The following ZWILCH variants were observed in gnomAD, a reference collection of about 807,000 sequenced individuals.
The protein encoded by ZWILCH is zwilch kinetochore protein.
In ZWILCH, 74 loss-of-function variants were observed where a neutral mutation model predicts 79.9. That is an observed-to-expected ratio of 0.93 (90% confidence interval 0.77 to 1.12). ZWILCH has a LOEUF of 1.12. Ranked by LOEUF, ZWILCH falls within the 50% of genes most tolerant of loss-of-function variation. The pLI, the probability that ZWILCH is intolerant of heterozygous loss-of-function variation, is 0.00. For missense variants in ZWILCH, 694 were observed against 687.5 expected (o/e 1.01, Z -0.11); for synonymous variants, 241 against 228.2 (o/e 1.06, Z -0.51).
At position 66,536,074 on chromosome 15, in the gene ZWILCH, G is replaced by A; in HGVS notation, c.1478+5G>A. On this transcript the variant is annotated splice_donor_5th_base_variant and intron_variant, in intron 15 of 18. Coordinates refer to ENST00000307897, the MANE Select transcript of ZWILCH (RefSeq NM_017975.5). ...ACTCCTCTTTTCTTTAACACAGTAA[G>A]TACATCTGTATTCTTCACTTATATA... The A allele has an allele frequency of 1.9e-6, 3 of 1,597,508 alleles. No individual in the cohort carries two copies. The highest frequency in any genetic ancestry group is 1.7e-6 in the Non-Finnish European group (2 of 1,172,562).
chr15:66,538,972 C>T (rs74022027), intron 16 of ZWILCH, among the ~76,000 whole-genome samples: 29,745 of 152,060 alleles, frequency 0.2, 3,007 homozygotes, highest in East Asian at 0.37. Flanking sequence ...CTCACATCTC[C>T]AGCTTCTCTG....
chr15:66,520,471 T>C, intron 5 of ZWILCH, 119 bp from the exon 6 acceptor site: 2 of 659,288 alleles, frequency 3.0e-6, no homozygotes, highest in African/African-American at 1.8e-5. Flanking sequence ...TAAAATTTAA[T>C]TTTAACAGTT....
chr15:66,546,780 T>C (rs1446357300), intron 18 of ZWILCH, 75 bp downstream of exon 18: 2 of 695,804 alleles, frequency 2.9e-6, no homozygotes, highest in Non-Finnish European at 4.4e-6. Context: ...CTTTCTACAT[T>C]ATCAATGTCG....
At chr15:66,511,803 C>T (rs778414694) in intron 2 of ZWILCH, among the ~76,000 whole-genome samples, 12 of 151,924 alleles carry the variant, frequency 7.9e-5, no homozygotes, top group South Asian at 4.1e-4. Flanking sequence ...TTAGTGGAGA[C>T]GGGGTTTCAC....
At chr15:66,542,473 T>C (rs1895222556) in intron 17 of ZWILCH, among the ~76,000 whole-genome samples, 2 of 152,036 alleles carry the variant, frequency 1.3e-5, no homozygotes, top group Non-Finnish European at 2.9e-5. Context: ...TAGTCCCAGC[T>C]CTTCGGGAGG....
chr15:66,512,839 T>C (rs544294542), intron 2 of ZWILCH, among the ~76,000 whole-genome samples: 30 of 151,994 alleles, frequency 2.0e-4, no homozygotes, highest in Admixed American at 1.8e-3. Context: ...TCTGTTGCCC[T>C]GGCTGGAGTG....
chr15:66,517,417 C>CGTGTGTGTGTGTGTGTGTGT (rs141565295), intron 4 of ZWILCH, among the ~76,000 whole-genome samples: 15 of 80,736 alleles, frequency 1.9e-4, no homozygotes, highest in Non-Finnish European at 3.3e-4. Context: ...TTTGTGTGTG[C>CGTGTGTGTGTGTGTGTGTGT]GTGTGTGTGT....
At chr15:66,522,197 C>CA (rs990758737) in intron 7 of ZWILCH, among the ~76,000 whole-genome samples, 24 of 145,194 alleles carry the variant, frequency 1.7e-4, no homozygotes, top group African/African-American at 5.3e-4. Flanking sequence ...GACTCTGTCT[C>CA]AAAAAAAAAG....
rs749557379 is a variant in ZWILCH at position 66,549,860 on chromosome 15, T to G, written c.*1536T>G. The G allele has an allele frequency of 3.1e-4, 145 of 462,302 alleles. No individual in the cohort carries two copies. The highest frequency in any genetic ancestry group is 9.3e-4 in the Admixed American group (23 of 24,700). The allele number at this position is 462,302 out of a possible 1,614,324, so 28.6% of individuals were successfully genotyped here. On this transcript the variant is annotated 3_prime_UTR_variant, in exon 19 of 19. Coordinates refer to ENST00000307897, the MANE Select transcript of ZWILCH (RefSeq NM_017975.5). ...TAAAATGTTTATCTTTCATGGTAGATTAAATGCTTTAAAATGCTTATAAAT... is the reference window on the plus strand; with the variant it reads ...TAAAATGTTTATCTTTCATGGTAGAGTAAATGCTTTAAAATGCTTATAAAT...
chr15:66,527,209 A>C (rs1358042352), intron 8 of ZWILCH, 81 bp from the exon 9 acceptor site: 1 of 979,604 alleles, frequency 1.0e-6, no homozygotes, highest in Non-Finnish European at 1.6e-6. Flanking sequence ...TACTGCAATT[A>C]ATATTATTAT....
intron 17 of ZWILCH, among the ~76,000 whole-genome samples, chr15:66,545,364 A>G (rs780308422): frequency 2.0e-5 from 3 of 152,134 alleles, no homozygotes; most frequent in Non-Finnish European, 4.4e-5. Context: ...CCAAAAAAAT[A>G]AAGTAAATTT....
chr15:66,527,240 A>T, intron 8 of ZWILCH, 50 bp from the exon 9 acceptor site: 1 of 1,280,084 alleles, frequency 7.8e-7, no homozygotes, highest in Non-Finnish European at 1.1e-6. Flanking sequence ...CTTATTGATT[A>T]AACAGTGTTT....
intron 7 of ZWILCH, among the ~76,000 whole-genome samples, chr15:66,522,744 C>T (rs1894541897): frequency 6.6e-6 from 1 of 152,162 alleles, no homozygotes; most frequent in Non-Finnish European, 1.5e-5. Flanking sequence ...AGTGCGATCT[C>T]AACTATATTG....
chr15:66,545,060 A>T (rs984972686), intron 17 of ZWILCH, among the ~76,000 whole-genome samples: 11 of 145,522 alleles, frequency 7.6e-5, no homozygotes, highest in Non-Finnish European at 1.4e-4. Flanking sequence ...TGCCATTTTA[A>T]AGTAAATTTT....
chr15:66,508,662 T>C (rs1893915340), intron 1 of ZWILCH, 179 bp from the exon 2 acceptor site: 1 of 1,284,916 alleles, frequency 7.8e-7, no homozygotes, highest in Non-Finnish European at 1.0e-6. Flanking sequence ...CTTCTTAACC[T>C]AATGCTTCTT....
intron 12 of ZWILCH, 116 bp from the exon 13 acceptor site, chr15:66,532,131 C>T: frequency 1.4e-6 from 1 of 735,996 alleles, no homozygotes; most frequent in Non-Finnish European, 2.1e-6. Context: ...TGTTAGGAGA[C>T]TAGGAATGCA....
intron 8 of ZWILCH, among the ~76,000 whole-genome samples, chr15:66,526,757 C>T (rs1430818627): frequency 2.6e-5 from 4 of 152,090 alleles, no homozygotes; most frequent in East Asian, 3.8e-4. Context: ...CCACGGCGCC[C>T]GGCACTTGAC....
chr15:66,548,408 A>C lies in ZWILCH; in HGVS notation c.*84A>C, dbSNP rs1013464403. On this transcript the variant is annotated 3_prime_UTR_variant, in exon 19 of 19. Coordinates refer to ENST00000307897, the MANE Select transcript of ZWILCH (RefSeq NM_017975.5). ...AATTATTGTAGAACCTGAAAACAGC[A>C]ATGTATGGAAACCCTCAAAGCAGAA... The C allele has an allele frequency of 6.5e-6, 4 of 610,812 alleles. No homozygotes were observed. The African/African-American group carries it at 7.4e-5, about 11-fold the overall frequency. 37.8% of individuals were successfully genotyped at this position (610,812 alleles called of 1,614,324 possible).
At chr15:66,523,134 T>C (rs986358055) in intron 7 of ZWILCH, among the ~76,000 whole-genome samples, 81 of 152,246 alleles carry the variant, frequency 5.3e-4, no homozygotes, top group African/African-American at 1.9e-3. Flanking sequence ...TGGATAATTA[T>C]ATTCTTTATA....
Sources: gnomAD v4.1 joint callset for allele counts (sites outside exome capture counted in the v4.1 genomes callset) on GRCh38, gnomAD v4.1.1 for gene constraint, MANE v1.5 for transcripts, NCBI Gene and HGNC (gene_info 2026-07-23, HGNC 2026-07-21) for gene names.